The following LPIN1 variants were observed in gnomAD, a reference collection of about 807,000 sequenced individuals.
LPIN1 encodes the protein lipin 1, also known as phosphatidate phosphatase LPIN1.
LPIN1 carries 71 observed loss-of-function variants against 107.5 expected under a neutral mutation model. That is an observed-to-expected ratio of 0.66 (90% CI 0.55 to 0.80). LPIN1 has a LOEUF of 0.80. Ranked by LOEUF, LPIN1 falls within the 30% of genes least tolerant of loss-of-function variation. The pLI, the probability that LPIN1 is intolerant of heterozygous loss-of-function variation, is 0.00. For missense variants in LPIN1, 1,043 were observed against 1,160.6 expected (o/e 0.90, Z 1.47); for synonymous variants, 445 against 452.6 (o/e 0.98, Z 0.21).
chr2:11,815,154 C>T lies in LPIN1; in HGVS notation c.2316C>T (p.Tyr772=), dbSNP rs1680356258. 6.2e-7 allele frequency: 1 copy of T among 1,614,226 alleles called. No individual in the cohort carries two copies. The highest frequency in any genetic ancestry group is 8.5e-7 in the Non-Finnish European group (1 of 1,180,028). The stretch of plus-strand genomic sequence containing the variant: ...GGATGGCGGACATGACGCGGGGCTA[C>T]CTGCACTGGGTCAACGAGAGGGGCA... ...AIGMADMTRG[Y]LHWVNERGTV... Residue 772 remains tyrosine, a synonymous_variant, in exon 18 of 21, where the codon TAC becomes TAT. Transcript: ENST00000674199.
At chr2:11,792,312 G>A (rs1675902797) in intron 13 of LPIN1, 2 of 281,642 alleles carry the variant, frequency 7.1e-6, no homozygotes, top group Non-Finnish European at 1.4e-5. Context: ...TGGGAATTCA[G>A]TTTCTTAAGA....
At position 11,777,997 on chromosome 2, in the gene LPIN1, G is replaced by A. The variant is rs944555064; in HGVS notation, c.831-1522G>A. On this transcript the variant is annotated intron_variant, in intron 6 of 20. Transcript: ENST00000674199. ...CCCCTCGCTGGAGGCCACAGCCTGC[G>A]CTTTTCCCATTGCAGTGATACCGAA... Among the ~76,000 whole-genome samples, 6 of 152,288 alleles carry A rather than the reference G, an allele frequency of 3.9e-5. No homozygotes were observed. The South Asian group carries it at 1.2e-3, about 32-fold the overall frequency.
At chr2:11,715,847 G>A (rs183341153) in intron 2 of LPIN1, among the ~76,000 whole-genome samples, 21 of 152,194 alleles carry the variant, frequency 1.4e-4, no homozygotes, top group Admixed American at 6.5e-4. Context: ...AGGAGGCCTC[G>A]TCTGCTTTTC....
At chr2:11,784,719 G>T in intron 9 of LPIN1, 167 bp from the exon 10 acceptor site, 1 of 727,274 alleles carries the variant, frequency 1.4e-6, no homozygotes. Context: ...AAGCTAAGGC[G>T]TTTAATGTCT....
chr2:11,788,464 T>G lies in LPIN1; in HGVS notation c.1713+8T>G. 6.2e-7 allele frequency: 1 copy of G among 1,608,944 alleles called. No individual in the cohort carries two copies. Among genetic ancestry groups the G allele is most frequent in the Non-Finnish European group, 8.5e-7 (1 of 1,175,300 alleles). Reference sequence around the variant, plus strand: ...CAGAAACCTTTGCCAAAGGTGAGCTTTAACATGAGAAAGAAAAGGGGATGC... The same window carrying G: ...CAGAAACCTTTGCCAAAGGTGAGCTGTAACATGAGAAAGAAAAGGGGATGC... On this transcript the variant is annotated splice_region_variant and intron_variant, in intron 12 of 20. Transcript: ENST00000674199.
At chr2:11,716,019 G>C (rs766193512) in intron 2 of LPIN1, among the ~76,000 whole-genome samples, 8 of 152,284 alleles carry the variant, frequency 5.3e-5, no homozygotes, top group Middle Eastern at 6.8e-3. Context: ...GGGGTCCACT[G>C]TTAGCCTGGC....
intron 15 of LPIN1, among the ~76,000 whole-genome samples, chr2:11,804,191 T>C (rs184829840): frequency 5.3e-5 from 8 of 152,212 alleles, no homozygotes; most frequent in Non-Finnish European, 1.2e-4. Context: ...CTGTAGCAAG[T>C]AGGCAAGTTG....
Position 11,824,877 on chromosome 2 carries a change from C to G in LPIN1, c.*86C>G. ...GGTCTCCCCGGAGTGCACAGCTCCA[C>G]CTGGGAGCCTGGCGCGTCATCATTG... On this transcript the variant is annotated 3_prime_UTR_variant, in exon 21 of 21. Coordinates refer to ENST00000674199, the MANE Select transcript of LPIN1 (RefSeq NM_001349206.2). 1 of 1,467,202 alleles carries G rather than the reference C, an allele frequency of 6.8e-7. No homozygotes were observed. The highest frequency in any genetic ancestry group is 9.5e-7 in the Non-Finnish European group (1 of 1,054,158). The allele number at this position is 1,467,202 out of a possible 1,614,324, so 90.9% of individuals were successfully genotyped here.
intron 1 of LPIN1, among the ~76,000 whole-genome samples, chr2:11,698,217 G>A (rs752078104): frequency 1.3e-5 from 2 of 152,192 alleles, no homozygotes; most frequent in South Asian, 2.1e-4. Flanking sequence ...TCCCCTGGCC[G>A]GGCCCAGATG....
At position 11,697,040 on chromosome 2, in the gene LPIN1, C is replaced by G. The variant is rs945547181; in HGVS notation, c.82-16716C>G. Among the ~76,000 whole-genome samples the G allele has an allele frequency of 1.8e-4, 28 of 152,266 alleles. No homozygotes were observed. Among genetic ancestry groups the G allele is most frequent in the African/African-American group, 6.0e-4 (25 of 41,474 alleles). On this transcript the variant is annotated intron_variant, in intron 1 of 21. Transcript: ENST00000449576. The surrounding 1 kb of genome is among the most constrained non-coding windows in gnomAD (Gnocchi z 4.6). ...GCTCCTGCCCAGCCTCTGGGTCCCC[C>G]ACCTGTGGCCCAGGGAAGGCTCTTT...
chr2:11,810,762 G>A (rs945704420), intron 17 of LPIN1, among the ~76,000 whole-genome samples: 2 of 152,228 alleles, frequency 1.3e-5, no homozygotes, highest in South Asian at 4.1e-4. Context: ...TGGGGGCCTC[G>A]GTCCCCAACA....
At chr2:11,766,267 G>A (rs184213793) in intron 2 of LPIN1, among the ~76,000 whole-genome samples, 19 of 152,254 alleles carry the variant, frequency 1.2e-4, no homozygotes, top group African/African-American at 4.6e-4. Flanking sequence ...ATGGCGTCAC[G>A]TCTGCTGTGC....
rs76950612 is a variant in LPIN1 at position 11,688,722 on chromosome 2, A to G, written c.81+10994A>G. 6.7e-3 allele frequency among the ~76,000 whole-genome samples: 1,027 copies of G among 152,360 alleles called. 14 individuals carry two copies. The highest frequency in any genetic ancestry group is 0.024 in the African/African-American group (992 of 41,578). On this transcript the variant is annotated intron_variant, in intron 1 of 21. Coordinates refer to the LPIN1 transcript ENST00000449576. Reference sequence around the variant, plus strand: ...CATACAACATTTTCAGCCGATAATAAGAGAGTTTTGTTGAAATTCTTGAGT... The same window carrying G: ...CATACAACATTTTCAGCCGATAATAGGAGAGTTTTGTTGAAATTCTTGAGT...
At chr2:11,817,195 G>A (rs946673740) in intron 18 of LPIN1, 57 of 152,092 alleles carry the variant, frequency 3.7e-4, no homozygotes, top group African/African-American at 1.4e-3. Context: ...ACCTTCCTTA[G>A]CACAACTCTT....
chr2:11,791,931 C>T lies in LPIN1; in HGVS notation c.1731C>T (p.Ile577=). 1.9e-6 allele frequency: 3 copies of T among 1,613,804 alleles called. 1 individual carries two copies. The highest frequency in any genetic ancestry group is 2.5e-6 in the Non-Finnish European group (3 of 1,179,850). The part of the protein sequence containing the change: ...KPLPKATVES[I]MRDKMPKKGG... ...TAAAACAGGCCACTGTGGAATCTAT[C>T]ATGAGGGATAAAATGCCCAAAAAGG... Residue 577 remains isoleucine (I), a synonymous_variant, in exon 13 of 21, where the codon ATC becomes ATT. Transcript: ENST00000674199.
intron 1 of LPIN1, among the ~76,000 whole-genome samples, chr2:11,758,410 T>G (rs939813093): frequency 6.6e-6 from 1 of 152,232 alleles, no homozygotes; most frequent in Non-Finnish European, 1.5e-5. Context: ...AGTTTCTCCA[T>G]ATCCTTGCCA....
At chr2:11,791,471 T>G (rs1675711594) in intron 12 of LPIN1, among the ~76,000 whole-genome samples, 1 of 152,254 alleles carries the variant, frequency 6.6e-6, no homozygotes, top group African/African-American at 2.4e-5. Flanking sequence ...AGTAAAAATC[T>G]TATGCATTTT....
chr2:11,721,781 G>C (rs1289602472), upstream of LPIN1: 1 of 152,284 alleles, frequency 6.6e-6, no homozygotes, highest in African/African-American at 2.4e-5. Context: ...TCATGGGACA[G>C]AAGCCCTGGT....
At chr2:11,719,059 T>G (rs926528616) in intron 2 of LPIN1, among the ~76,000 whole-genome samples, 1 of 152,236 alleles carries the variant, frequency 6.6e-6, no homozygotes, top group Non-Finnish European at 1.5e-5. Flanking sequence ...TCAAACTTCT[T>G]TTTTTGTTCT....
Sources: allele counts gnomAD v4.1 joint callset (sites outside exome capture counted in the v4.1 genomes callset), GRCh38; gene constraint gnomAD v4.1.1; non-coding constraint Gnocchi (gnomAD v3.1); transcripts MANE v1.5; gene names NCBI Gene and HGNC (gene_info 2026-07-23, HGNC 2026-07-21).